Variants in FHIT observed in about 807,000 individuals in gnomAD.
FHIT encodes fragile histidine triad diadenosine triphosphatase.
Under a neutral mutation model 17.9 loss-of-function variants are expected in FHIT, and 19 were observed. The observed-to-expected ratio is 1.06, with a 90% CI of 0.74 to 1.56. The LOEUF (loss-of-function observed/expected upper bound fraction) is 1.56, where lower values mean the gene tolerates loss of function less well. Ranked by LOEUF, FHIT falls within the 40% of genes most tolerant of loss-of-function variation. The pLI is 0.00. For synonymous variants in FHIT, 81 were observed against 69.7 expected (o/e 1.16, Z -0.81); for missense variants, 248 against 189.2 (o/e 1.31, Z -1.82).
intron 4 of FHIT, among the ~76,000 whole-genome samples, chr3:60,717,950 A>G (rs1431074021): frequency 6.6e-6 from 1 of 152,216 alleles, no homozygotes; most frequent in African/African-American, 2.4e-5. Context: ...GACAGAGTCT[A>G]TTCAACAGCT....
At chr3:60,395,411 G>C (rs759175929) in intron 5 of FHIT, among the ~76,000 whole-genome samples, 1 of 152,134 alleles carries the variant, frequency 6.6e-6, no homozygotes, top group Non-Finnish European at 1.5e-5. Context: ...CCAGCTTTTA[G>C]GCGGTATGAA....
At chr3:59,992,378 TTAAA>T (rs796518298) in intron 7 of FHIT, among the ~76,000 whole-genome samples, 21 of 152,190 alleles carry the variant, frequency 1.4e-4, no homozygotes, top group African/African-American at 5.1e-4. Context: ...CCGTTTTAAT[TTAAA>T]TAAATACTAA....
chr3:59,819,133 C>T (rs1575545669), intron 8 of FHIT, among the ~76,000 whole-genome samples: 2 of 152,220 alleles, frequency 1.3e-5, no homozygotes, highest in African/African-American at 4.8e-5. Flanking sequence ...GATCTTTTAT[C>T]GGATACAACT....
chr3:60,326,623 C>A (rs1709707928), intron 5 of FHIT, among the ~76,000 whole-genome samples: 1 of 152,154 alleles, frequency 6.6e-6, no homozygotes. Context: ...CTGTCCTAAA[C>A]CATGTTTGCT....
chr3:60,492,451 A>C (rs1286073434), intron 5 of FHIT, among the ~76,000 whole-genome samples: 1 of 152,134 alleles, frequency 6.6e-6, no homozygotes, highest in Non-Finnish European at 1.5e-5. Flanking sequence ...AGGTGCAAGA[A>C]TTGGCTTCAT....
intron 5 of FHIT, among the ~76,000 whole-genome samples, chr3:60,421,011 A>G (rs1702444353): frequency 6.7e-6 from 1 of 149,322 alleles, no homozygotes; most frequent in South Asian, 2.1e-4. Context: ...TCTGTAAAGA[A>G]CTAAGATTTC....
At chr3:59,927,770 A>AAAC (rs150252337) in intron 7 of FHIT, among the ~76,000 whole-genome samples, 19 of 151,924 alleles carry the variant, frequency 1.3e-4, no homozygotes, top group African/African-American at 3.1e-4. Flanking sequence ...CTCTGTCTCA[A>AAAC]AACAACAACA....
intron 3 of FHIT, among the ~76,000 whole-genome samples, chr3:60,873,367 G>A (rs115462023): frequency 0.014 from 2,113 of 152,298 alleles, 22 homozygotes; most frequent in Non-Finnish European, 0.021. Flanking sequence ...TTTCTGTCAT[G>A]TCAGGAAAAT....
At chr3:59,909,321 T>A (rs1704750517) in intron 8 of FHIT, among the ~76,000 whole-genome samples, 3 of 152,004 alleles carry the variant, frequency 2.0e-5, no homozygotes. Flanking sequence ...CATGAGCCAC[T>A]GCGCCCGGCC....
intron 4 of FHIT, among the ~76,000 whole-genome samples, chr3:60,726,960 A>G (rs902188917): frequency 2.0e-5 from 3 of 152,190 alleles, no homozygotes; most frequent in East Asian, 1.9e-4. Flanking sequence ...TACACTAGGC[A>G]ATGCTGTCTT....
At chr3:60,101,378 C>T (rs1704184508) in intron 5 of FHIT, among the ~76,000 whole-genome samples, 1 of 152,312 alleles carries the variant, frequency 6.6e-6, no homozygotes, top group Non-Finnish European at 1.5e-5. Flanking sequence ...ACTTGCTGCT[C>T]CTTTGACCTG....
chr3:60,746,458 T>C (rs2042358267), intron 4 of FHIT, among the ~76,000 whole-genome samples: 1 of 152,148 alleles, frequency 6.6e-6, no homozygotes, highest in African/African-American at 2.4e-5. Context: ...CAGCGGCCTA[T>C]GGTTCCGCCA....
chr3:60,271,459 G>A (rs1249716630), intron 5 of FHIT, among the ~76,000 whole-genome samples: 1 of 152,054 alleles, frequency 6.6e-6, no homozygotes, highest in Admixed American at 6.6e-5. Flanking sequence ...AGAAAGACAA[G>A]AAAGTAAAAC....
intron 7 of FHIT, among the ~76,000 whole-genome samples, chr3:59,987,066 A>ATATAT (rs375852225): frequency 0.13 from 9,322 of 69,414 alleles, 427 homozygotes; most frequent in African/African-American, 0.15. Flanking sequence ...AAATATATCT[A>ATATAT]TATATATCTA....
chr3:59,842,700 T>G (rs1358180649), intron 8 of FHIT, among the ~76,000 whole-genome samples: 1 of 152,216 alleles, frequency 6.6e-6, no homozygotes, highest in East Asian at 1.9e-4. Context: ...TGGACACTTG[T>G]ACATCTTCTC....
Position 60,710,084 on chromosome 3 carries a change from A to C in FHIT, c.-18+111835T>G, listed in dbSNP as rs1057011380. ...CAGCACACAGAATGCTAAAAAAAAAAAAAAAAAAAAACTCAACAATCAAAA... is the reference window on the plus strand; with the variant it reads ...CAGCACACAGAATGCTAAAAAAAAACAAAAAAAAAAACTCAACAATCAAAA... On this transcript the variant is annotated intron_variant, in intron 4 of 9. Transcript: ENST00000492590. Among the ~76,000 whole-genome samples the C allele has an allele frequency of 4.1e-4, 63 of 151,978 alleles. 1 individual carries two copies. Among genetic ancestry groups the C allele is most frequent in the Non-Finnish European group, 5.2e-4 (35 of 67,960 alleles).
At chr3:60,184,582 C>T (rs1175716322) in intron 5 of FHIT, among the ~76,000 whole-genome samples, 1 of 152,136 alleles carries the variant, frequency 6.6e-6, no homozygotes, top group South Asian at 2.1e-4. Flanking sequence ...GACTTATCAC[C>T]GATGATGTTA....
chr3:60,113,695 T>C (rs1704786673), intron 5 of FHIT, among the ~76,000 whole-genome samples: 1 of 151,506 alleles, frequency 6.6e-6, no homozygotes, highest in Non-Finnish European at 1.5e-5. Flanking sequence ...CACTTAAACA[T>C]GATCAATGAT....
chr3:60,056,336 G>A (rs952889968), intron 5 of FHIT, among the ~76,000 whole-genome samples: 1 of 152,202 alleles, frequency 6.6e-6, no homozygotes, highest in East Asian at 1.9e-4. Context: ...GGAACTAAAA[G>A]GTTTTCTGCC....
Sources: allele counts gnomAD v4.1 joint callset (sites outside exome capture counted in the v4.1 genomes callset), GRCh38; gene constraint gnomAD v4.1.1; transcripts MANE v1.5; gene names NCBI Gene and HGNC (gene_info 2026-07-23, HGNC 2026-07-21).